NFASC: variants seen among roughly 807,000 people sequenced by gnomAD.
The protein encoded by NFASC is neurofascin homolog.
In NFASC, 43 loss-of-function variants were observed where a neutral mutation model predicts 147.5. The ratio of observed to expected loss-of-function variants is 0.29; its 90% CI spans 0.23 to 0.38. The LOEUF (loss-of-function observed/expected upper bound fraction) is 0.38. Among genes scored for constraint, NFASC ranks in the 10% least tolerant of loss-of-function variants. The pLI, the probability that NFASC is intolerant of heterozygous loss-of-function variation, is 1.00. For synonymous variants in NFASC, 622 were observed against 665.5 expected (o/e 0.93, Z 1.01); for missense variants, 1,320 against 1,689.0 (o/e 0.78, Z 3.83).
intron 1 of NFASC, among the ~76,000 whole-genome samples, chr1:204,858,072 G>A (rs955796317): frequency 2.6e-5 from 4 of 151,658 alleles, no homozygotes; most frequent in East Asian, 1.9e-4. Context: ...GGCGCCTGCC[G>A]TAACCCCCAG....
chr1:204,950,407 C>A, intron 3 of NFASC, 150 bp from the exon 4 acceptor site: 1 of 728,168 alleles, frequency 1.4e-6, no homozygotes. Flanking sequence ...GGCTTTGCAG[C>A]CAGGAGGAGA....
intron 7 of NFASC, 102 bp from the exon 8 acceptor site, chr1:204,957,554 T>G: frequency 9.5e-7 from 1 of 1,053,104 alleles, no homozygotes; most frequent in Non-Finnish European, 1.4e-6. Context: ...AAGCTCCTGG[T>G]CGCCACCTGA....
chr1:205,009,099 GT>G, intron 27 of NFASC: 1 of 259,436 alleles, frequency 3.9e-6, no homozygotes, highest in South Asian at 4.5e-5. Context: ...CTCATAGCAG[GT>G]TTTTGCAACG....
At chr1:204,962,697 A>C (rs2094739763) in intron 8 of NFASC, among the ~76,000 whole-genome samples, 1 of 152,162 alleles carries the variant, frequency 6.6e-6, no homozygotes, top group South Asian at 2.1e-4. Flanking sequence ...GGGCAATAGG[A>C]GTAAGAGTCC....
intron 2 of NFASC, among the ~76,000 whole-genome samples, chr1:204,933,486 A>G (rs999734137): frequency 6.6e-6 from 1 of 152,204 alleles, no homozygotes; most frequent in Non-Finnish European, 1.5e-5. Flanking sequence ...GAGACACTGA[A>G]TTTTAGGCAG....
At chr1:204,961,257 GA>G (rs1347616259) in intron 8 of NFASC, among the ~76,000 whole-genome samples, 1 of 152,218 alleles carries the variant, frequency 6.6e-6, no homozygotes, top group African/African-American at 2.4e-5. Flanking sequence ...CATTGGAACT[GA>G]AGCCACTGAT....
At chr1:205,004,805 C>T (rs775899774) in intron 27 of NFASC, among the ~76,000 whole-genome samples, 3 of 152,170 alleles carry the variant, frequency 2.0e-5, no homozygotes, top group Admixed American at 6.5e-5. Context: ...TGCGCTATAG[C>T]AGTTCAGGAA....
chr1:205,002,979 C>T (rs540189515), intron 27 of NFASC, among the ~76,000 whole-genome samples: 45 of 152,270 alleles, frequency 3.0e-4, no homozygotes, highest in Non-Finnish European at 5.9e-5. Flanking sequence ...TGGCCCCGTG[C>T]GGGTCAGAAG....
chr1:204,892,760 C>T (rs940613026), intron 1 of NFASC, among the ~76,000 whole-genome samples: 1 of 152,156 alleles, frequency 6.6e-6, no homozygotes, highest in East Asian at 1.9e-4. Flanking sequence ...TTGATTTCAC[C>T]TGTTTCTTTT....
At chr1:204,857,998 C>T (rs375104009) in intron 1 of NFASC, among the ~76,000 whole-genome samples, 19 of 146,276 alleles carry the variant, frequency 1.3e-4, no homozygotes, top group South Asian at 2.1e-4. Flanking sequence ...CAGCTTACTA[C>T]GGCCTCCACC....
At chr1:204,946,347 G>A (rs775835303) in intron 3 of NFASC, 24 of 511,980 alleles carry the variant, frequency 4.7e-5, no homozygotes, top group Non-Finnish European at 1.2e-5. Context: ...TTAGCCTGCG[G>A]GTTAGAGACA....
intron 5 of NFASC, among the ~76,000 whole-genome samples, chr1:204,953,921 G>A (rs2094287030): frequency 6.6e-6 from 1 of 152,104 alleles, no homozygotes; most frequent in Admixed American, 6.5e-5. Context: ...TTAGAGCCAC[G>A]AGTCCCAGTC....
At chr1:204,943,499 G>A (rs1031526054) in intron 2 of NFASC, among the ~76,000 whole-genome samples, 4 of 152,132 alleles carry the variant, frequency 2.6e-5, no homozygotes, top group African/African-American at 4.8e-5. Context: ...CACCACTGCC[G>A]TTATCTATAA....
In NFASC at chr1:204,828,670, G is replaced by A. The variant is rs1360428181; in HGVS notation, c.-312G>A. 5 of 985,330 alleles carry A rather than the reference G, an allele frequency of 5.1e-6. No individual in the cohort carries two copies. Among genetic ancestry groups the A allele is most frequent in the Admixed American group, 6.2e-5 (1 of 16,254 alleles). 61.0% of individuals were successfully genotyped at this position (985,330 alleles called of 1,614,324 possible). Reference sequence around the variant, plus strand: ...CGGGGACGCGCACGGGCTGGTCTCTGCCCTAATGCGGCGGCTGGCGGCGAG... The same window carrying A: ...CGGGGACGCGCACGGGCTGGTCTCTACCCTAATGCGGCGGCTGGCGGCGAG... On this transcript the variant is annotated 5_prime_UTR_variant, in exon 1 of 30. Coordinates refer to ENST00000339876, the MANE Select transcript of NFASC (RefSeq NM_001005388.3).
chr1:204,942,171 A>G (rs1013086621), intron 2 of NFASC, among the ~76,000 whole-genome samples: 6 of 152,206 alleles, frequency 3.9e-5, no homozygotes, highest in Non-Finnish European at 2.9e-5. Flanking sequence ...GGCTTTTGGA[A>G]TGAATACAAA....
At chr1:204,995,086 C>T (rs1434746221) in intron 24 of NFASC, among the ~76,000 whole-genome samples, 2 of 152,146 alleles carry the variant, frequency 1.3e-5, no homozygotes, top group African/African-American at 4.8e-5. Context: ...CACCACTACA[C>T]TCCAGCCTGG....
chr1:204,943,903 T>C (rs187158517), intron 2 of NFASC, among the ~76,000 whole-genome samples: 1 of 152,356 alleles, frequency 6.6e-6, no homozygotes, highest in Non-Finnish European at 1.5e-5. Context: ...GGTTTTCAGC[T>C]GGGAGTTTTG....
intron 2 of NFASC, among the ~76,000 whole-genome samples, chr1:204,927,999 A>C (rs1410374962): frequency 5.3e-5 from 8 of 152,090 alleles, no homozygotes; most frequent in Admixed American, 5.2e-4. Flanking sequence ...TCCTCCCCAG[A>C]GGGGGGAGTT....
chr1:204,867,799 G>A (rs2077236344), intron 1 of NFASC, among the ~76,000 whole-genome samples: 1 of 152,152 alleles, frequency 6.6e-6, no homozygotes, highest in African/African-American at 2.4e-5. Context: ...GCCACTCCAA[G>A]CAGAGACAGA....
Sources: allele counts gnomAD v4.1 joint callset (sites outside exome capture counted in the v4.1 genomes callset), GRCh38; gene constraint gnomAD v4.1.1; transcripts MANE v1.5; gene names NCBI Gene and HGNC (gene_info 2026-07-23, HGNC 2026-07-21).